Variants in AKAP9 observed in about 807,000 individuals in gnomAD.
AKAP9 encodes the protein A-kinase anchor protein 9.
In AKAP9, 311 loss-of-function variants were observed where a neutral mutation model predicts 488.5. The observed-to-expected ratio is 0.64, with a 90% confidence interval of 0.58 to 0.70. The LOEUF is 0.70. Among genes scored for constraint, AKAP9 ranks in the 30% least tolerant of loss-of-function variants. The pLI, the probability that AKAP9 is intolerant of heterozygous loss-of-function variation, is 0.00. For synonymous variants in AKAP9, 1,462 were observed against 1,483.5 expected, an observed-to-expected ratio of 0.99 and a Z score of 0.33; for missense variants, 4,215 against 4,374.5, an observed-to-expected ratio of 0.96 and a Z score of 1.03.
At chr7:92,092,111 A>G in intron 38 of AKAP9, 1 of 152,218 alleles carries the variant, frequency 6.6e-6, no homozygotes, top group Non-Finnish European at 1.5e-5. Flanking sequence ...GACCTTTTCA[A>G]TGTGCATGTG....
chr7:91,948,244 G>A (rs565135593), intron 1 of AKAP9, among the ~76,000 whole-genome samples: 1 of 152,118 alleles, frequency 6.6e-6, no homozygotes, highest in East Asian at 1.9e-4. Context: ...GTGAACATTT[G>A]TATGGATGTA....
chr7:91,995,824 G>A lies in AKAP9; in HGVS notation c.930+24G>A, dbSNP rs762394127. On this transcript the variant is annotated intron_variant, in intron 7 of 49. Coordinates refer to ENST00000356239, the MANE Select transcript of AKAP9 (RefSeq NM_005751.5). ...TGGTATGTTTATTTTAAGGAAGTCA[G>A]CTAACTTGTAGAAGCTTTAGAGTTT... The A allele has an allele frequency of 6.4e-6, 10 of 1,557,878 alleles. No homozygotes were observed. The African/African-American group carries it at 1.1e-4, about 17-fold the overall frequency.
At chr7:92,065,864 C>T (rs1810684682) in intron 25 of AKAP9, among the ~76,000 whole-genome samples, 3 of 152,072 alleles carry the variant, frequency 2.0e-5, no homozygotes, top group South Asian at 4.1e-4. Flanking sequence ...GAAATGGGCC[C>T]GGAACAGTGG....
intron 1 of AKAP9, 53 bp downstream of exon 1, chr7:91,941,200 G>T (rs1790704951): frequency 6.4e-7 from 1 of 1,554,098 alleles, no homozygotes; most frequent in Non-Finnish European, 8.9e-7. Context: ...GGCTAGCACG[G>T]GGTGGGAGGG....
intron 21 of AKAP9, among the ~76,000 whole-genome samples, chr7:92,052,514 A>G (rs930575100): frequency 6.6e-6 from 1 of 152,192 alleles, no homozygotes; most frequent in Non-Finnish European, 1.5e-5. Flanking sequence ...AATTTCTGCA[A>G]ATTCCTATTA....
At chr7:92,040,986 A>G in intron 18 of AKAP9, 88 bp downstream of exon 18, 3 of 1,106,086 alleles carry the variant, frequency 2.7e-6, no homozygotes, top group Non-Finnish European at 3.9e-6. Flanking sequence ...AAACAACAGT[A>G]TTTTTTATGT....
chr7:92,042,723 TAG>T lies in AKAP9; in HGVS notation c.5116_5117del (p.Asp1706GlnfsTer4). 2 of 1,612,126 alleles carry T rather than the reference TAG, an allele frequency of 1.2e-6. No homozygotes were observed. The highest frequency in any genetic ancestry group is 1.7e-6 in the Non-Finnish European group (2 of 1,178,700). On this transcript the variant is annotated frameshift_variant, in exon 20 of 50. Coordinates refer to ENST00000356239, the MANE Select transcript of AKAP9 (RefSeq NM_005751.5). LOFTEE classifies it high-confidence loss of function. ...GAACAAACATTTAAAGAAAAGGAAT[TAG>T]ACAGAAAACCTGAAGATGTGCCTCC...
intron 24 of AKAP9, among the ~76,000 whole-genome samples, chr7:92,062,878 A>G (rs566535266): frequency 6.6e-6 from 1 of 152,298 alleles, no homozygotes; most frequent in South Asian, 2.1e-4. Flanking sequence ...AGTAATGAGC[A>G]GGTGGAGGGG....
chr7:92,081,765 A>G (rs1194541946), intron 31 of AKAP9, among the ~76,000 whole-genome samples: 1 of 151,998 alleles, frequency 6.6e-6, no homozygotes, highest in Non-Finnish European at 1.5e-5. Flanking sequence ...ATAGGACAAG[A>G]GCTTTTTTTT....
chr7:92,091,608 A>AC (rs1815636077), intron 38 of AKAP9, among the ~76,000 whole-genome samples: 2 of 151,234 alleles, frequency 1.3e-5, no homozygotes, highest in African/African-American at 2.4e-5. Context: ...CAAAAAAAAA[A>AC]AACAAAGCAG....
chr7:91,963,468 A>C (rs894985575), intron 1 of AKAP9, among the ~76,000 whole-genome samples: 9 of 146,188 alleles, frequency 6.2e-5, no homozygotes, highest in African/African-American at 2.3e-4. Context: ...GTTATTCTGT[A>C]GATAACATAT....
At chr7:91,965,353 C>T (rs1047061586) in intron 1 of AKAP9, among the ~76,000 whole-genome samples, 4 of 152,130 alleles carry the variant, frequency 2.6e-5, no homozygotes, top group Non-Finnish European at 5.9e-5. Context: ...CATGGTGCTG[C>T]GAATGACAAT....
intron 33 of AKAP9, 172 bp downstream of exon 33, chr7:92,083,827 C>CT (rs1814037070): frequency 4.9e-5 from 31 of 633,232 alleles, no homozygotes; most frequent in East Asian, 5.9e-5. Flanking sequence ...TACAATATTC[C>CT]TTTTTTTTCT....
At chr7:92,046,917 T>A (rs1207283063) in intron 21 of AKAP9, among the ~76,000 whole-genome samples, 1 of 152,244 alleles carries the variant, frequency 6.6e-6, no homozygotes, top group Non-Finnish European at 1.5e-5. Context: ...AGATGTATTT[T>A]GTGCTTTTGT....
At chr7:91,975,865 A>T in intron 2 of AKAP9, among the ~76,000 whole-genome samples, 1 of 146,056 alleles carries the variant, frequency 6.8e-6, no homozygotes. Context: ...AGAAATGTTG[A>T]GGTTTTTTTG....
chr7:92,022,681 G>T, intron 13 of AKAP9, 133 bp from the exon 14 acceptor site: 1 of 665,812 alleles, frequency 1.5e-6, no homozygotes, highest in Non-Finnish European at 2.5e-6. Context: ...AGTTTAAATT[G>T]AAACCAGAGT....
At chr7:91,941,253 G>A in intron 1 of AKAP9, 106 bp downstream of exon 1, 1 of 1,114,120 alleles carries the variant, frequency 9.0e-7, no homozygotes, top group Non-Finnish European at 1.4e-6. Flanking sequence ...TGCACTGCCC[G>A]AGAGGGAGGT....
intron 14 of AKAP9, among the ~76,000 whole-genome samples, chr7:92,028,500 A>G (rs1454652229): frequency 6.6e-6 from 1 of 152,082 alleles, no homozygotes; most frequent in Non-Finnish European, 1.5e-5. Flanking sequence ...TAATAAAGAA[A>G]AAGCAGGAAA....
Position 92,093,120 on chromosome 7 carries a change from C to T in AKAP9, c.9382C>T (p.Gln3128Ter), listed in dbSNP as rs756763405. 6.2e-7 allele frequency: 1 copy of T among 1,611,520 alleles called. No homozygotes were observed. Among genetic ancestry groups the T allele is most frequent in the Non-Finnish European group, 8.5e-7 (1 of 1,179,022 alleles). ...AGAACTCTTGGAATATAATATACAG[C>T]AGAAGCAGTCTCAAATGCTGGAGAT... The part of the protein sequence containing the change: ...SQELLEYNIQ[Q>*]KQSQMLEMQV... Residue 3128 changes from glutamine (Q) to a stop codon, truncating the protein, a stop_gained, in exon 39 of 50, where the codon CAG becomes TAG. Coordinates refer to ENST00000356239, the MANE Select transcript of AKAP9 (RefSeq NM_005751.5). LOFTEE classifies it high-confidence loss of function.
Sources: allele counts gnomAD v4.1 joint callset (sites outside exome capture counted in the v4.1 genomes callset), GRCh38; gene constraint gnomAD v4.1.1; transcripts MANE v1.5; gene names NCBI Gene and HGNC (gene_info 2026-07-23, HGNC 2026-07-21).